Variants in MCM8 observed in about 807,000 individuals in gnomAD.
The protein encoded by MCM8 is minichromosome maintenance 8 homologous recombination repair factor, also known as DNA helicase MCM8.
MCM8 carries 85 observed loss-of-function variants against 98.9 expected under a neutral mutation model. That is an observed-to-expected ratio of 0.86 (90% confidence interval 0.72 to 1.03). The LOEUF is 1.03. Among genes scored for constraint, MCM8 ranks in the 50% least tolerant of loss-of-function variants. MCM8 has a pLI of 0.00. For synonymous variants in MCM8, 352 were observed against 338.6 expected (o/e 1.04, Z -0.44); for missense variants, 951 against 997.8 (o/e 0.95, Z 0.63).
intron 3 of MCM8, among the ~76,000 whole-genome samples, chr20:5,953,470 T>C (rs1011747360): frequency 1.1e-4 from 15 of 139,682 alleles, no homozygotes; most frequent in Middle Eastern, 3.7e-3. Context: ...TGTGTGTGTG[T>C]GCATACTTTT....
At chr20:5,993,461 A>G (rs780942666) in intron 17 of MCM8, 45 bp from the exon 18 acceptor site, 6 of 1,409,356 alleles carry the variant, frequency 4.3e-6, no homozygotes, top group East Asian at 2.3e-5. Flanking sequence ...AACAATTTCT[A>G]TGGCAGTGCT....
intron 8 of MCM8, chr20:5,964,537 G>A (rs1017473469): frequency 1.3e-5 from 2 of 152,180 alleles, no homozygotes; most frequent in Non-Finnish European, 2.9e-5. Context: ...GAGGGACAAA[G>A]GGTTAGTCTG....
In MCM8 at chr20:5,998,110, T is replaced by TATTCATATATTGTTTATGAATGCATTGA. The variant is rs1231398486; in HGVS notation, c.*3727_*3754dup. 7.9e-5 allele frequency: 12 copies of TATTCATATATTGTTTATGAATGCATTGA among 152,188 alleles called. No homozygotes were observed. Among genetic ancestry groups the TATTCATATATTGTTTATGAATGCATTGA allele is most frequent in the African/African-American group, 2.7e-4 (11 of 41,434 alleles). 9.4% of individuals were successfully genotyped at this position (152,188 alleles called of 1,614,324 possible). A position where few individuals can be genotyped will look rare whatever the true frequency, so the allele number is the denominator to read the frequency against. On this transcript the variant is annotated 3_prime_UTR_variant, in exon 19 of 19. Coordinates refer to ENST00000610722, the MANE Select transcript of MCM8 (RefSeq NM_032485.6). ...TGTTATACAGAAGAATATTAAACAA[T>TATTCATATATTGTTTATGAATGCATTGA]ATTCATATATTGTTTATGAATGCAT...
intron 13 of MCM8, among the ~76,000 whole-genome samples, chr20:5,980,246 T>C (rs2089602216): frequency 6.6e-6 from 1 of 152,154 alleles, no homozygotes; most frequent in African/African-American, 2.4e-5. Flanking sequence ...CATAGCACTT[T>C]TTACCTTCTA....
chr20:5,993,798 T>G, intron 18 of MCM8, 103 bp downstream of exon 18: 1 of 963,392 alleles, frequency 1.0e-6, no homozygotes. Context: ...TCATACCTGC[T>G]TCTTCTCAAA....
rs113052889 is a variant in MCM8 at position 5,973,026 on chromosome 20, T to G, written c.1255-30T>G. On this transcript the variant is annotated intron_variant, in intron 11 of 18. Coordinates refer to ENST00000610722, the MANE Select transcript of MCM8 (RefSeq NM_032485.6). ...TAGTCACCTTTATGTTTTCCTTACT[T>G]CTGTTTTTTGTTCTTTTTTCGCACT... 76 of 1,610,886 alleles carry G rather than the reference T, an allele frequency of 4.7e-5. No homozygotes were observed. In the African/African-American group the frequency reaches 5.6e-4, roughly 12 times the overall value.
rs2088837747 is a variant in MCM8 at position 5,951,948 on chromosome 20, A to AAAGC, written c.-5-63_-5-62insAAGC. ...TTAATTTTTCCCTTTTTATTAATAC[A>AAAGC]TTTTTAAGAGCACTATTTTCCTTAC... On this transcript the variant is annotated intron_variant, in intron 1 of 18. Transcript: ENST00000610722. The AAAGC allele has an allele frequency of 5.9e-6, 9 of 1,520,892 alleles. No individual in the cohort carries two copies. The South Asian group carries it at 1.0e-4, about 17-fold the overall frequency. 94.2% of individuals were successfully genotyped at this position (1,520,892 alleles called of 1,614,324 possible).
intron 10 of MCM8, among the ~76,000 whole-genome samples, chr20:5,969,868 G>A (rs1313596378): frequency 6.6e-6 from 1 of 152,124 alleles, no homozygotes; most frequent in Non-Finnish European, 1.5e-5. Flanking sequence ...AAGCAACCTG[G>A]TCGACAATCC....
At chr20:5,974,370 C>T (rs2089466156) in intron 12 of MCM8, among the ~76,000 whole-genome samples, 2 of 152,106 alleles carry the variant, frequency 1.3e-5, no homozygotes, top group Non-Finnish European at 1.5e-5. Flanking sequence ...CAAGCAGATC[C>T]ACCTGCCTTA....
At chr20:5,984,049 C>A (rs2089683072) in intron 14 of MCM8, among the ~76,000 whole-genome samples, 1 of 152,136 alleles carries the variant, frequency 6.6e-6, no homozygotes, top group South Asian at 2.1e-4. Context: ...TATGATCCTG[C>A]TTTTTTCAAA....
At chr20:5,979,944 A>G (rs932462047) in intron 13 of MCM8, among the ~76,000 whole-genome samples, 1 of 151,836 alleles carries the variant, frequency 6.6e-6, no homozygotes, top group Non-Finnish European at 1.5e-5. Flanking sequence ...GCTGCTTCCC[A>G]TGTCTCCTCT....
intron 12 of MCM8, among the ~76,000 whole-genome samples, chr20:5,974,737 C>G (rs2089473028): frequency 6.6e-6 from 1 of 152,158 alleles, no homozygotes; most frequent in South Asian, 2.1e-4. Flanking sequence ...CATTATAAAC[C>G]CACTGTCCTT....
At chr20:5,969,951 T>C (rs1339056429) in intron 10 of MCM8, among the ~76,000 whole-genome samples, 1 of 152,184 alleles carries the variant, frequency 6.6e-6, no homozygotes, top group Non-Finnish European at 1.5e-5. Context: ...TCTCCCATAC[T>C]TATAGAAGAG....
intron 12 of MCM8, among the ~76,000 whole-genome samples, chr20:5,975,378 A>G (rs1206040255): frequency 2.6e-5 from 4 of 152,020 alleles, no homozygotes; most frequent in Non-Finnish European, 4.4e-5. Context: ...TCGTGTGTGT[A>G]ACTTTGGAAT....
intron 10 of MCM8, among the ~76,000 whole-genome samples, chr20:5,970,577 G>C (rs929361418): frequency 6.6e-6 from 1 of 152,200 alleles, no homozygotes; most frequent in African/African-American, 2.4e-5. Context: ...AATGATGCTT[G>C]TGTGGCCATA....
At chr20:5,985,790 T>TCCA in intron 15 of MCM8, 132 bp from the exon 16 acceptor site, 1 of 779,922 alleles carries the variant, frequency 1.3e-6, no homozygotes, top group Non-Finnish European at 2.1e-6. Context: ...AGGTGATGTG[T>TCCA]CCTCCTTGGC....
At chr20:5,961,946 G>A (rs986166439) in intron 7 of MCM8, among the ~76,000 whole-genome samples, 5 of 152,154 alleles carry the variant, frequency 3.3e-5, no homozygotes, top group African/African-American at 1.2e-4. Context: ...CTCAGTGGCC[G>A]AAAATAAAGC....
At chr20:5,976,328 G>T (rs1449445306) in intron 12 of MCM8, among the ~76,000 whole-genome samples, 2 of 152,120 alleles carry the variant, frequency 1.3e-5, no homozygotes, top group East Asian at 3.9e-4. Context: ...GGAAGCTGAG[G>T]TTGTTGTAAC....
At position 5,996,710 on chromosome 20, in the gene MCM8, G is replaced by A. The variant is rs973966783; in HGVS notation, c.*2319G>A. Reference sequence around the variant, plus strand: ...TATTATATAAATTTATTTTTAAAAAGACATAAACCTACATTTTCAGAAGAA... The same window carrying A: ...TATTATATAAATTTATTTTTAAAAAAACATAAACCTACATTTTCAGAAGAA... On this transcript the variant is annotated 3_prime_UTR_variant, in exon 19 of 19. Transcript: ENST00000610722. 10 of 152,230 alleles carry A rather than the reference G, an allele frequency of 6.6e-5. No individual in the cohort carries two copies. The highest frequency in any genetic ancestry group is 2.4e-4 in the African/African-American group (10 of 41,544). The allele number at this position is 152,230 out of a possible 1,614,324, so 9.4% of individuals were successfully genotyped here. A position where few individuals can be genotyped will look rare whatever the true frequency, so the allele number is the denominator to read the frequency against.
Sources: gnomAD v4.1 joint callset for allele counts (sites outside exome capture counted in the v4.1 genomes callset) on GRCh38, gnomAD v4.1.1 for gene constraint, MANE v1.5 for transcripts, NCBI Gene and HGNC (gene_info 2026-07-23, HGNC 2026-07-21) for gene names.